Variants in KLHL7 observed in about 807,000 individuals in gnomAD.
The protein encoded by KLHL7 is kelch like family member 7, also known as kelch-like protein 7.
A neutral mutation model predicts 67.4 loss-of-function variants in KLHL7; 44 were observed. The ratio of observed to expected loss-of-function variants is 0.65; its 90% CI spans 0.51 to 0.84. The LOEUF (loss-of-function observed/expected upper bound fraction) is 0.84, where lower values mean the gene tolerates loss of function less well. Ranked by LOEUF, KLHL7 falls within the 40% of genes least tolerant of loss-of-function variation. The probability of loss-of-function intolerance (pLI) is 0.00; values close to 1 mark genes in which losing one functional copy is unlikely to be tolerated. For synonymous variants in KLHL7, 252 were observed against 243.3 expected, an observed-to-expected ratio of 1.04 and a Z score of -0.33; for missense variants, 362 against 718.1, an observed-to-expected ratio of 0.50 and a Z score of 5.67.
chr7:23,130,346 A>C (rs1783754520), intron 4 of KLHL7, among the ~76,000 whole-genome samples: 1 of 152,206 alleles, frequency 6.6e-6, no homozygotes, highest in Non-Finnish European at 1.5e-5. Flanking sequence ...TTCCAGAAAA[A>C]CAGCAACTGG....
intron 1 of KLHL7, among the ~76,000 whole-genome samples, chr7:23,121,746 G>T (rs537201582): frequency 2.7e-5 from 4 of 146,958 alleles, no homozygotes. Context: ...GCAGTGGCTC[G>T]ATCTCAGCTC....
chr7:23,126,015 C>T (rs1203451297), intron 4 of KLHL7: 1 of 708,426 alleles, frequency 1.4e-6, no homozygotes, highest in Non-Finnish European at 2.5e-6. Context: ...AAAAGATTAA[C>T]AACAATAATA....
chr7:23,153,141 G>A (rs1335090201), intron 7 of KLHL7, among the ~76,000 whole-genome samples: 3 of 152,152 alleles, frequency 2.0e-5, no homozygotes, highest in Non-Finnish European at 4.4e-5. Context: ...AAGGTATAAT[G>A]GACAATAAAA....
rs1554289078 is a variant in KLHL7, at chr7:23,140,945, G to A, written c.618+1G>A. 1.2e-6 allele frequency: 2 copies of A among 1,613,312 alleles called. No individual in the cohort carries two copies. Among genetic ancestry groups the A allele is most frequent in the Non-Finnish European group, 1.7e-6 (2 of 1,179,530 alleles). Reference sequence around the variant, plus strand: ...TCTGACTGTGAGAGCAGAGGATCAGGTGACTAAATTGCCTTCTCACATTTT... The same window carrying A: ...TCTGACTGTGAGAGCAGAGGATCAGATGACTAAATTGCCTTCTCACATTTT... On this transcript the variant is annotated splice_donor_variant, in intron 5 of 10. Coordinates refer to ENST00000339077, the MANE Select transcript of KLHL7 (RefSeq NM_001031710.3). LOFTEE classifies it high-confidence loss of function.
At chr7:23,142,596 G>A (rs372841540) in intron 5 of KLHL7, among the ~76,000 whole-genome samples, 1 of 152,172 alleles carries the variant, frequency 6.6e-6, no homozygotes, top group African/African-American at 2.4e-5. Flanking sequence ...CATCAGTGAT[G>A]TCATGTTGAT....
At chr7:23,118,223 TC>T (rs1207291182) in intron 1 of KLHL7, among the ~76,000 whole-genome samples, 1 of 152,190 alleles carries the variant, frequency 6.6e-6, no homozygotes, top group East Asian at 1.9e-4. Context: ...AAAGGATTCT[TC>T]CTGTAAAAGC....
chr7:23,122,689 C>G (rs1313737070), intron 1 of KLHL7, among the ~76,000 whole-genome samples: 3 of 152,110 alleles, frequency 2.0e-5, no homozygotes, highest in Non-Finnish European at 4.4e-5. Context: ...CTTATTTTCT[C>G]TCTCATTCTA....
At chr7:23,141,903 G>T (rs140460256) in intron 5 of KLHL7, among the ~76,000 whole-genome samples, 1 of 150,762 alleles carries the variant, frequency 6.6e-6, no homozygotes, top group Middle Eastern at 3.6e-3. Flanking sequence ...GATTACAGGC[G>T]TGAGCCACCG....
chr7:23,144,032 T>G lies in KLHL7; in HGVS notation c.793+7T>G, dbSNP rs1784275939. On this transcript the variant is annotated splice_region_variant and intron_variant, in intron 6 of 10. Transcript: ENST00000339077. ...TGCCTTAAGATGGTGATAAGTAAGT[T>G]GCCTTAATAACCATTTATAACCTGA... 6.2e-7 allele frequency: 1 copy of G among 1,611,056 alleles called. No homozygotes were observed. Among genetic ancestry groups the G allele is most frequent in the African/African-American group, 1.3e-5 (1 of 74,906 alleles).
intron 6 of KLHL7, among the ~76,000 whole-genome samples, chr7:23,148,788 G>A (rs1412695094): frequency 6.6e-6 from 1 of 152,232 alleles, no homozygotes; most frequent in African/African-American, 2.4e-5. Flanking sequence ...TCAACCAAGT[G>A]TGAGGATTAG....
In KLHL7 at chr7:23,125,182, A is replaced by G; in HGVS notation, c.442+10A>G. On this transcript the variant is annotated intron_variant, in intron 4 of 10. Transcript: ENST00000339077. ...GCTTCAAATTGTCTTGGTAAGAAATATCAGATTCCTGTTGTGTGTTTATTT... is the reference window on the plus strand; with the variant it reads ...GCTTCAAATTGTCTTGGTAAGAAATGTCAGATTCCTGTTGTGTGTTTATTT... 1 of 1,612,536 alleles carries G rather than the reference A, an allele frequency of 6.2e-7. No individual in the cohort carries two copies. The highest frequency in any genetic ancestry group is 8.5e-7 in the Non-Finnish European group (1 of 1,178,950).
At chr7:23,107,178 T>A (rs532308647) in intron 1 of KLHL7, among the ~76,000 whole-genome samples, 8 of 152,256 alleles carry the variant, frequency 5.3e-5, no homozygotes, top group African/African-American at 1.9e-4. Flanking sequence ...CCTGCTACAG[T>A]GCACCAGTGC....
intron 9 of KLHL7, chr7:23,172,127 G>C (rs1323330139): frequency 2.2e-6 from 1 of 456,186 alleles, no homozygotes; most frequent in African/African-American, 2.0e-5. Context: ...GTTTAAGTTA[G>C]CTGCTGAAAG....
At chr7:23,140,555 TCAAAAAACAAAAAAA>T (rs1448375443) in intron 4 of KLHL7, 199 bp from the exon 5 acceptor site, 5 of 578,280 alleles carry the variant, frequency 8.6e-6, no homozygotes, top group African/African-American at 8.3e-5. Context: ...AGACTCCGTC[TCAAAAAACAAAAAAA>T]CAAAAAACAA....
chr7:23,150,883 GAGTTAT>G (rs1434744802), intron 6 of KLHL7, among the ~76,000 whole-genome samples: 1 of 152,152 alleles, frequency 6.6e-6, no homozygotes, highest in African/African-American at 2.4e-5. Flanking sequence ...ATATGTTTAA[GAGTTAT>G]AGTTCTTTTT....
intron 4 of KLHL7, chr7:23,125,997 TAGAC>T (rs1265154318): frequency 1.3e-5 from 10 of 742,502 alleles, no homozygotes; most frequent in South Asian, 4.5e-5. Context: ...ATTTCTAAAT[TAGAC>T]AGTAAAAGAT....
chr7:23,140,854 T>C lies in KLHL7; in HGVS notation c.528T>C (p.Val176=), dbSNP rs890846506. 6.2e-7 allele frequency: 1 copy of C among 1,614,028 alleles called. No individual in the cohort carries two copies. Among genetic ancestry groups the C allele is most frequent in the Middle Eastern group, 1.6e-4 (1 of 6,062 alleles). Residue 176 remains valine, a synonymous_variant, in exon 5 of 11, where the codon GTT becomes GTC. Coordinates refer to ENST00000339077, the MANE Select transcript of KLHL7 (RefSeq NM_001031710.3). ...DDFIHQHFTE[V]YKTDEFLQLD... is the part of the protein sequence containing the mutation. ...TTATTCATCAGCACTTTACTGAAGT[T>C]TACAAAACTGATGAATTTCTTCAAC...
chr7:23,167,082 T>C (rs1199722743), intron 8 of KLHL7, among the ~76,000 whole-genome samples: 1 of 151,874 alleles, frequency 6.6e-6, no homozygotes, highest in Non-Finnish European at 1.5e-5. Flanking sequence ...TAGCCCAGAA[T>C]GGTGGGAGAT....
At chr7:23,149,732 A>G (rs376288940) in intron 6 of KLHL7, among the ~76,000 whole-genome samples, 1 of 152,196 alleles carries the variant, frequency 6.6e-6, no homozygotes, top group Non-Finnish European at 1.5e-5. Context: ...CACAGAAACC[A>G]TATGTGGCCT....
Sources: allele counts gnomAD v4.1 joint callset (sites outside exome capture counted in the v4.1 genomes callset), GRCh38; gene constraint gnomAD v4.1.1; transcripts MANE v1.5; gene names NCBI Gene and HGNC (gene_info 2026-07-23, HGNC 2026-07-21).